The following KANK1 variants were observed in gnomAD, a reference collection of about 807,000 sequenced individuals.
KANK1 encodes KN motif and ankyrin repeat domain-containing protein 1.
In KANK1, 109 loss-of-function variants were observed where a neutral mutation model predicts 106.2. That is an observed-to-expected ratio of 1.03 (90% confidence interval 0.88 to 1.20). The LOEUF (loss-of-function observed/expected upper bound fraction) is 1.20. KANK1 is among the 50% of genes most tolerant of loss of function. KANK1 has a pLI of 0.00. For missense variants in KANK1, 2,399 were observed against 1,710.7 expected, an observed-to-expected ratio of 1.40 and a Z score of -7.10; for synonymous variants, 873 against 652.2, an observed-to-expected ratio of 1.34 and a Z score of -5.16.
At chr9:493,886 A>AT (rs1210045940) in intron 3 of KANK1, among the ~76,000 whole-genome samples, 14 of 141,880 alleles carry the variant, frequency 9.9e-5, no homozygotes, top group South Asian at 2.3e-4. Flanking sequence ...GTTTACATAC[A>AT]TTTTTTTTTC....
At chr9:691,789 T>TTC (rs1245299724) in intron 2 of KANK1, among the ~76,000 whole-genome samples, 1 of 149,020 alleles carries the variant, frequency 6.7e-6, no homozygotes, top group East Asian at 2.0e-4. Context: ...AATTTTTTTT[T>TTC]TTTTTTTGGT....
intron 3 of KANK1, among the ~76,000 whole-genome samples, chr9:490,325 G>C (rs1040074666): frequency 6.6e-6 from 1 of 152,070 alleles, no homozygotes; most frequent in South Asian, 2.1e-4. Flanking sequence ...GGGCAACAAA[G>C]TGATACCTCA....
chr9:490,958 C>CTTTTT (rs758168904), intron 3 of KANK1, among the ~76,000 whole-genome samples: 3 of 116,336 alleles, frequency 2.6e-5, no homozygotes, highest in African/African-American at 6.7e-5. Context: ...GCTAAAGTGG[C>CTTTTT]TTTTTTTTTT....
At chr9:697,087 TGTGTGTGTGTG>T (rs1821496705) in intron 2 of KANK1, among the ~76,000 whole-genome samples, 1 of 38,554 alleles carries the variant, frequency 2.6e-5, no homozygotes, top group Non-Finnish European at 7.2e-5. Flanking sequence ...TGTGTGTGTG[TGTGTGTGTGTG>T]TGTGTGTCTG....
chr9:581,316 C>T (rs1311679833), intron 1 of KANK1, among the ~76,000 whole-genome samples: 1 of 152,200 alleles, frequency 6.6e-6, no homozygotes, highest in Non-Finnish European at 1.5e-5. Context: ...CCTCTCAATG[C>T]CTATCTTAAA....
chr9:717,531 T>G (rs1828050062), intron 3 of KANK1, among the ~76,000 whole-genome samples: 1 of 152,218 alleles, frequency 6.6e-6, no homozygotes, highest in African/African-American at 2.4e-5. Flanking sequence ...AGACAATGTC[T>G]TGGTTTTGAT....
chr9:643,431 A>G (rs1333958926), intron 1 of KANK1, among the ~76,000 whole-genome samples: 2 of 150,622 alleles, frequency 1.3e-5, no homozygotes, highest in African/African-American at 5.0e-5. Flanking sequence ...TTGTTGTTTA[A>G]TACCTACCCA....
intron 1 of KANK1, among the ~76,000 whole-genome samples, chr9:517,214 C>T (rs1183298711): frequency 2.6e-5 from 4 of 151,896 alleles, no homozygotes; most frequent in South Asian, 2.1e-4. Flanking sequence ...AGCAGTTCTC[C>T]TGCCTCAGCC....
chr9:745,132 C>G (rs780480353), intron 11 of KANK1, 41 bp from the exon 12 acceptor site: 1 of 1,608,298 alleles, frequency 6.2e-7, no homozygotes, highest in Admixed American at 1.7e-5. Context: ...TGCCTGAGGT[C>G]ACTTATTAAC....
At chr9:611,472 T>A (rs1830539964) in intron 1 of KANK1, among the ~76,000 whole-genome samples, 1 of 152,228 alleles carries the variant, frequency 6.6e-6, no homozygotes. Flanking sequence ...CTCATGCTTT[T>A]CAGATGTGTC....
At chr9:652,094 G>C (rs1003598068) in intron 1 of KANK1, among the ~76,000 whole-genome samples, 1 of 152,134 alleles carries the variant, frequency 6.6e-6, no homozygotes. Flanking sequence ...ATTAGAATGT[G>C]TAGGCCCTAT....
chr9:522,459 A>G (rs2059596129), intron 1 of KANK1, among the ~76,000 whole-genome samples: 1 of 151,582 alleles, frequency 6.6e-6, no homozygotes. Flanking sequence ...CAAGCAGAGC[A>G]TATGCTCTGT....
chr9:514,981 G>A (rs967951142), intron 1 of KANK1, among the ~76,000 whole-genome samples: 2 of 151,710 alleles, frequency 1.3e-5, no homozygotes, highest in African/African-American at 2.4e-5. Flanking sequence ...TTCCCTAGAT[G>A]ACTAATGAAG....
intron 1 of KANK1, among the ~76,000 whole-genome samples, chr9:570,800 C>T (rs117683448): frequency 1.3e-5 from 2 of 152,078 alleles, no homozygotes; most frequent in African/African-American, 4.8e-5. Context: ...TCATTTAAGA[C>T]CCGTTGGCTT....
At chr9:631,323 T>C (rs1835681413) in intron 1 of KANK1, among the ~76,000 whole-genome samples, 1 of 152,184 alleles carries the variant, frequency 6.6e-6, no homozygotes, top group African/African-American at 2.4e-5. Context: ...CCAGGATTTG[T>C]GGGGCTCCCC....
At chr9:656,749 A>T (rs1842228058) in intron 1 of KANK1, among the ~76,000 whole-genome samples, 1 of 152,266 alleles carries the variant, frequency 6.6e-6, no homozygotes, top group Admixed American at 6.5e-5. Context: ...AAAGCAGAGA[A>T]TGTTCTGAGT....
intron 1 of KANK1, among the ~76,000 whole-genome samples, chr9:505,303 CCT>C: frequency 6.6e-6 from 1 of 152,198 alleles, no homozygotes; most frequent in Admixed American, 6.5e-5. Flanking sequence ...CTCGGGTCGC[CCT>C]CCGCCAACTC....
intron 2 of KANK1, among the ~76,000 whole-genome samples, chr9:701,426 A>G (rs1042142380): frequency 2.0e-5 from 3 of 152,116 alleles, no homozygotes; most frequent in African/African-American, 7.2e-5. Context: ...TTATATGGCC[A>G]AAATTTCAGT....
At chr9:670,303 A>T (rs1845582049) in intron 1 of KANK1, among the ~76,000 whole-genome samples, 1 of 152,118 alleles carries the variant, frequency 6.6e-6, no homozygotes, top group Non-Finnish European at 1.5e-5. Flanking sequence ...TTTGCATTAA[A>T]GGATTTATTA....
Sources: allele counts gnomAD v4.1 joint callset (sites outside exome capture counted in the v4.1 genomes callset), GRCh38; gene constraint gnomAD v4.1.1; transcripts MANE v1.5; gene names NCBI Gene and HGNC (gene_info 2026-07-23, HGNC 2026-07-21).